Variants in MBNL1 observed in about 807,000 individuals in gnomAD.
MBNL1 encodes muscleblind-like protein 1.
In MBNL1, 8 loss-of-function variants were observed where a neutral mutation model predicts 42.2. The observed-to-expected ratio is 0.19, with a 90% CI of 0.11 to 0.34. The LOEUF is 0.34. MBNL1 is among the 10% of genes least tolerant of loss of function. The pLI, the probability that MBNL1 is intolerant of heterozygous loss-of-function variation, is 1.00. For missense variants in MBNL1, 309 were observed against 495.3 expected (o/e 0.62, Z 3.57); for synonymous variants, 169 against 173.9 (o/e 0.97, Z 0.22).
chr3:152,293,408 G>T (rs542309670), intron 1 of MBNL1, among the ~76,000 whole-genome samples: 2 of 152,182 alleles, frequency 1.3e-5, no homozygotes, highest in Non-Finnish European at 2.9e-5. Flanking sequence ...TAAGTTGGTT[G>T]GTTGTATATG....
At chr3:152,430,906 C>T (rs1442686730) in intron 3 of MBNL1, among the ~76,000 whole-genome samples, 1 of 152,204 alleles carries the variant, frequency 6.6e-6, no homozygotes, top group Non-Finnish European at 1.5e-5. Context: ...CCTGGCAGAG[C>T]AGCTAAACAT....
At chr3:152,349,859 A>G (rs940991042) in intron 2 of MBNL1, among the ~76,000 whole-genome samples, 2 of 152,088 alleles carry the variant, frequency 1.3e-5, no homozygotes, top group African/African-American at 4.8e-5. Flanking sequence ...CTTGAGATTT[A>G]TAGTTGGGAT....
chr3:152,292,988 C>T (rs985425972), intron 1 of MBNL1, among the ~76,000 whole-genome samples: 5 of 151,986 alleles, frequency 3.3e-5, no homozygotes, highest in African/African-American at 9.7e-5. Flanking sequence ...AGGCTGGTCT[C>T]GAACACCTGG....
At chr3:152,320,934 ATACTT>A (rs1479793881) in intron 2 of MBNL1, among the ~76,000 whole-genome samples, 2 of 152,202 alleles carry the variant, frequency 1.3e-5, no homozygotes, top group East Asian at 1.9e-4. Flanking sequence ...CCAACTGTGA[ATACTT>A]TATAGTGTTG....
intron 2 of MBNL1, chr3:152,335,136 G>A: frequency 1.2e-5 from 16 of 1,289,472 alleles, no homozygotes; most frequent in Non-Finnish European, 1.6e-5. Flanking sequence ...TGTTGTTTAA[G>A]GGGAACCTTC....
At chr3:152,268,728 G>A (rs780807101), upstream of MBNL1, 4 of 455,072 alleles carry the variant, frequency 8.8e-6, no homozygotes, top group South Asian at 6.2e-5. Flanking sequence ...CTGTCCGGTT[G>A]ACAGGCGACC....
chr3:152,415,214 A>G (rs2098677054), intron 3 of MBNL1, 103 bp downstream of exon 3: 2 of 1,104,394 alleles, frequency 1.8e-6, no homozygotes, highest in South Asian at 2.2e-5. Context: ...ACAGGCAACA[A>G]TTTCAGTTGC....
chr3:152,338,630 G>C (rs2092058080), intron 2 of MBNL1: 1 of 985,298 alleles, frequency 1.0e-6, no homozygotes, highest in Non-Finnish European at 1.2e-6. Context: ...TAGACCTCAG[G>C]AGTTTTCAAA....
intron 2 of MBNL1, among the ~76,000 whole-genome samples, chr3:152,410,918 C>T (rs959726288): frequency 2.0e-5 from 3 of 152,158 alleles, no homozygotes; most frequent in Non-Finnish European, 4.4e-5. Context: ...TTAACAGATA[C>T]GCTGCTAAAT....
intron 2 of MBNL1, chr3:152,340,819 C>T (rs1256815045): frequency 6.2e-7 from 1 of 1,613,958 alleles, no homozygotes. Context: ...TTTTGCATAA[C>T]CACTGATCCC....
chr3:152,280,785 C>T (rs757492975), intron 1 of MBNL1, among the ~76,000 whole-genome samples: 1 of 152,116 alleles, frequency 6.6e-6, no homozygotes, highest in Non-Finnish European at 1.5e-5. Context: ...GCATATTCTT[C>T]TATAAGACCC....
At chr3:152,376,284 T>C (rs1198808671) in intron 2 of MBNL1, among the ~76,000 whole-genome samples, 1 of 152,246 alleles carries the variant, frequency 6.6e-6, no homozygotes, top group East Asian at 1.9e-4. Context: ...TGTTAACTTT[T>C]TCGGATTATA....
At chr3:152,425,869 A>G (rs2098921980) in intron 3 of MBNL1, among the ~76,000 whole-genome samples, 2 of 152,220 alleles carry the variant, frequency 1.3e-5, no homozygotes, top group South Asian at 2.1e-4. Context: ...AGTTTTGTAA[A>G]TCATTCTACT....
At chr3:152,363,292 A>G (rs763669746) in intron 2 of MBNL1, among the ~76,000 whole-genome samples, 14 of 152,164 alleles carry the variant, frequency 9.2e-5, no homozygotes, top group Non-Finnish European at 1.6e-4. Context: ...ATGGGATTTT[A>G]TGTGGACCTT....
chr3:152,282,768 C>T (rs1334696856), intron 1 of MBNL1, among the ~76,000 whole-genome samples: 2 of 151,294 alleles, frequency 1.3e-5, no homozygotes, highest in African/African-American at 2.4e-5. Flanking sequence ...TTACTATGCA[C>T]GAAGGAAGGA....
Position 152,300,057 on chromosome 3 carries a change from G to A in MBNL1, c.-137G>A. The A allele has an allele frequency of 1.9e-6, 1 of 540,184 alleles. No individual in the cohort carries two copies. Among genetic ancestry groups the A allele is most frequent in the Non-Finnish European group, 3.3e-6 (1 of 305,118 alleles). The allele number at this position is 540,184 out of a possible 1,614,324, so 33.5% of individuals were successfully genotyped here. A position where few individuals can be genotyped will look rare whatever the true frequency, so the allele number is the denominator to read the frequency against. ...ACACAATTTTCCATGTACTTTTAAA[G>A]CAGGGAGTGGGGAAAAGTATTTTGA... is the stretch of plus-strand genomic sequence containing the variant. On this transcript the variant is annotated 5_prime_UTR_variant, in exon 2 of 10. Coordinates refer to ENST00000324210, the MANE Select transcript of MBNL1 (RefSeq NM_021038.5).
At chr3:152,410,319 A>C (rs182125546) in intron 2 of MBNL1, among the ~76,000 whole-genome samples, 1 of 152,346 alleles carries the variant, frequency 6.6e-6, no homozygotes, top group East Asian at 1.9e-4. Context: ...AACAACTTAC[A>C]ACTTCAGAAA....
intron 3 of MBNL1, among the ~76,000 whole-genome samples, chr3:152,431,699 A>G (rs982794983): frequency 7.2e-5 from 11 of 152,224 alleles, no homozygotes; most frequent in African/African-American, 2.7e-4. Context: ...TTTGTGTTTC[A>G]GAAACAAACA....
intron 2 of MBNL1, among the ~76,000 whole-genome samples, chr3:152,406,658 A>C (rs772155033): frequency 1.3e-5 from 2 of 152,302 alleles, no homozygotes; most frequent in Middle Eastern, 3.4e-3. Flanking sequence ...GGGAAAAAAA[A>C]GTCATAGTAT....
Sources: allele counts gnomAD v4.1 joint callset (sites outside exome capture counted in the v4.1 genomes callset), GRCh38; gene constraint gnomAD v4.1.1; transcripts MANE v1.5; gene names NCBI Gene and HGNC (gene_info 2026-07-23, HGNC 2026-07-21).